Variants in ERO1B observed in about 807,000 individuals in gnomAD.
ERO1B encodes the protein endoplasmic reticulum oxidoreductase 1 beta.
A neutral mutation model predicts 75.3 loss-of-function variants in ERO1B; 49 were observed. The observed-to-expected ratio is 0.65, with a 90% confidence interval of 0.52 to 0.83. ERO1B has a LOEUF of 0.83. Ranked by LOEUF, ERO1B falls within the 40% of genes least tolerant of loss-of-function variation. The probability of loss-of-function intolerance (pLI) is 0.00; values close to 1 mark genes in which losing one functional copy is unlikely to be tolerated. For synonymous variants in ERO1B, 191 were observed against 192.9 expected (o/e 0.99, Z 0.08); for missense variants, 512 against 560.1 (o/e 0.91, Z 0.87).
intron 1 of ERO1B, among the ~76,000 whole-genome samples, chr1:236,275,628 A>G (rs1440367298): frequency 2.0e-5 from 3 of 152,134 alleles, no homozygotes. Flanking sequence ...TGGGGCCAAA[A>G]GTTTCAACTT....
intron 10 of ERO1B, among the ~76,000 whole-genome samples, chr1:236,228,843 A>G (rs541023226): frequency 6.6e-6 from 1 of 152,342 alleles, no homozygotes; most frequent in South Asian, 2.1e-4. Context: ...GGAACCATGT[A>G]TCAATATTCA....
intron 4 of ERO1B, 44 bp from the exon 5 acceptor site, chr1:236,250,011 CT>C: frequency 7.5e-7 from 1 of 1,327,092 alleles, no homozygotes; most frequent in Non-Finnish European, 1.1e-6. Context: ...TTACCTTATT[CT>C]TTATTTCAGT....
chr1:236,226,173 C>G, intron 12 of ERO1B, 96 bp downstream of exon 12: 1 of 1,227,798 alleles, frequency 8.1e-7, no homozygotes, highest in Non-Finnish European at 1.1e-6. Flanking sequence ...CATCTCCCCT[C>G]GGTTAACTTT....
intron 5 of ERO1B, among the ~76,000 whole-genome samples, chr1:236,247,817 TG>T (rs1664921586): frequency 6.6e-6 from 1 of 152,204 alleles, no homozygotes; most frequent in African/African-American, 2.4e-5. Context: ...GATCCTGCCA[TG>T]GGGGTTTTCA....
chr1:236,281,907 A>C lies in ERO1B; in HGVS notation c.-124T>G, dbSNP rs565269933. ...AGCGACTCCAGGGTCAGAGGTCTGCACTCCAGTCCGGAGGCAGGCGACTCT... is the reference window on the plus strand; with the variant it reads ...AGCGACTCCAGGGTCAGAGGTCTGCCCTCCAGTCCGGAGGCAGGCGACTCT... On this transcript the variant is annotated 5_prime_UTR_variant, in exon 1 of 16. Transcript: ENST00000354619. 6.8e-4 allele frequency: 400 copies of C among 590,226 alleles called. 2 individuals carry two copies. The highest frequency in any genetic ancestry group is 1.1e-3 in the Admixed American group (26 of 23,288). 36.6% of individuals were successfully genotyped at this position (590,226 alleles called of 1,614,324 possible).
chr1:236,223,281 G>T (rs1019909302), intron 13 of ERO1B, among the ~76,000 whole-genome samples: 3 of 151,602 alleles, frequency 2.0e-5, no homozygotes, highest in Non-Finnish European at 2.9e-5. Flanking sequence ...TGTGCAATAT[G>T]CCTTTAAGGT....
chr1:236,273,385 A>G (rs1000232308), intron 1 of ERO1B, among the ~76,000 whole-genome samples: 3 of 152,190 alleles, frequency 2.0e-5, no homozygotes, highest in Admixed American at 6.5e-5. Flanking sequence ...TATTGTTTTT[A>G]AGTCATTATA....
chr1:236,263,819 T>C (rs1665351083), intron 2 of ERO1B, among the ~76,000 whole-genome samples: 1 of 136,818 alleles, frequency 7.3e-6, no homozygotes, highest in African/African-American at 2.7e-5. Context: ...GTCAGTAGTA[T>C]CGCTATGTTG....
chr1:236,236,779 T>A (rs950900999), intron 6 of ERO1B, among the ~76,000 whole-genome samples: 32 of 152,196 alleles, frequency 2.1e-4, no homozygotes, highest in Non-Finnish European at 3.4e-4. Flanking sequence ...TCTCTAAGAA[T>A]ATATCCACCT....
rs1663982857 is a variant in ERO1B, at chr1:236,216,512, A to G, written c.*2004T>C. The G allele has an allele frequency of 6.6e-6, 1 of 152,130 alleles. No homozygotes were observed. Among genetic ancestry groups the G allele is most frequent in the African/African-American group, 2.4e-5 (1 of 41,432 alleles). 9.4% of individuals were successfully genotyped at this position (152,130 alleles called of 1,614,324 possible). ...CATTTATTTTCTTAGTTGTGAAAAA[A>G]TTAGTTAAGAACCTTAAAAAGAACT... On this transcript the variant is annotated 3_prime_UTR_variant, in exon 16 of 16. Transcript: ENST00000354619.
At chr1:236,238,993 G>C (rs1326692973) in intron 6 of ERO1B, among the ~76,000 whole-genome samples, 1 of 151,944 alleles carries the variant, frequency 6.6e-6, no homozygotes, top group Admixed American at 6.6e-5. Context: ...ACTTTGTTGT[G>C]CAGGCTGGAC....
chr1:236,228,659 G>T (rs1664331145), intron 10 of ERO1B, among the ~76,000 whole-genome samples: 1 of 152,202 alleles, frequency 6.6e-6, no homozygotes, highest in Non-Finnish European at 1.5e-5. Context: ...TGCATTTACT[G>T]TAACAGTAAT....
chr1:236,254,408 A>G (rs1665111241), intron 2 of ERO1B, among the ~76,000 whole-genome samples: 1 of 152,130 alleles, frequency 6.6e-6, no homozygotes, highest in Non-Finnish European at 1.5e-5. Flanking sequence ...TTATCTATTT[A>G]AAACAGATCA....
intron 2 of ERO1B, among the ~76,000 whole-genome samples, chr1:236,257,005 C>A (rs1309060009): frequency 2.6e-5 from 4 of 152,236 alleles, no homozygotes; most frequent in African/African-American, 9.6e-5. Flanking sequence ...GGGAGATAAA[C>A]TCTGGCTTTC....
chr1:236,276,037 T>C (rs1396630168), intron 1 of ERO1B, among the ~76,000 whole-genome samples: 1 of 152,176 alleles, frequency 6.6e-6, no homozygotes, highest in Non-Finnish European at 1.5e-5. Context: ...GAGAAAAGTG[T>C]GTGCTAGGTA....
intron 2 of ERO1B, among the ~76,000 whole-genome samples, chr1:236,254,763 C>T (rs1014868352): frequency 6.6e-6 from 1 of 151,834 alleles, no homozygotes; most frequent in Admixed American, 6.6e-5. Context: ...CAGGTGTCCA[C>T]CACCACGCCT....
At chr1:236,236,155 G>A in intron 7 of ERO1B, 123 bp downstream of exon 7, 5 of 1,218,992 alleles carry the variant, frequency 4.1e-6, no homozygotes, top group East Asian at 2.4e-5. Context: ...TTGAACTCCT[G>A]ACCTCAGATG....
intron 1 of ERO1B, among the ~76,000 whole-genome samples, chr1:236,270,304 T>C (rs191280479): frequency 7.6e-4 from 116 of 152,286 alleles, no homozygotes; most frequent in African/African-American, 2.7e-3. Flanking sequence ...CTTCCCAAAC[T>C]AACCTAGAAG....
intron 15 of ERO1B, among the ~76,000 whole-genome samples, chr1:236,218,852 G>A (rs564521009): frequency 6.6e-6 from 1 of 152,136 alleles, no homozygotes; most frequent in South Asian, 2.1e-4. Context: ...ATTTACAATT[G>A]GTCTAATAAA....
Sources: allele counts gnomAD v4.1 joint callset (sites outside exome capture counted in the v4.1 genomes callset), GRCh38; gene constraint gnomAD v4.1.1; transcripts MANE v1.5; gene names NCBI Gene and HGNC (gene_info 2026-07-23, HGNC 2026-07-21).